Variants in SGPP2 observed in about 807,000 individuals in gnomAD.
SGPP2 encodes sphingosine 1-phosphate phosphohydrolase 2.
Under a neutral mutation model 33.9 loss-of-function variants are expected in SGPP2, and 30 were observed. The observed-to-expected ratio is 0.89, with a 90% CI of 0.66 to 1.20. The LOEUF is 1.20. Ranked by LOEUF, SGPP2 falls within the 50% of genes most tolerant of loss-of-function variation. The pLI is 0.00. For synonymous variants in SGPP2, 233 were observed against 225.0 expected (o/e 1.04, Z -0.32); for missense variants, 458 against 532.1 (o/e 0.86, Z 1.37).
At chr2:222,540,601 C>A (rs59477482) in intron 4 of SGPP2, among the ~76,000 whole-genome samples, 1 of 151,994 alleles carries the variant, frequency 6.6e-6, no homozygotes, top group Non-Finnish European at 1.5e-5. Flanking sequence ...CACCTGGGAA[C>A]GGTGCGCAGT....
chr2:222,471,089 C>G (rs1241585054), intron 1 of SGPP2, among the ~76,000 whole-genome samples: 2 of 152,230 alleles, frequency 1.3e-5, no homozygotes, highest in African/African-American at 4.8e-5. Context: ...TATTGCCATT[C>G]TCTTTCAATT....
chr2:222,483,052 A>G (rs1293417267), intron 2 of SGPP2, among the ~76,000 whole-genome samples: 1 of 152,198 alleles, frequency 6.6e-6, no homozygotes, highest in African/African-American at 2.4e-5. Context: ...GAAAAAGGAA[A>G]AGAAGGAAAG....
intron 2 of SGPP2, among the ~76,000 whole-genome samples, chr2:222,495,031 C>CAAACAAAAACAA (rs145461047): frequency 6.8e-4 from 103 of 151,748 alleles, no homozygotes; most frequent in African/African-American, 2.3e-3. Context: ...GACTCTGTCT[C>CAAACAAAAACAA]AAACAAAAAC....
intron 2 of SGPP2, among the ~76,000 whole-genome samples, chr2:222,521,364 C>T (rs902007005): frequency 1.2e-4 from 18 of 152,094 alleles, no homozygotes; most frequent in African/African-American, 4.3e-4. Flanking sequence ...CCAGTTCTGC[C>T]ACTTGCTGAC....
At chr2:222,436,232 C>G (rs1056390544) in intron 1 of SGPP2, among the ~76,000 whole-genome samples, 95 of 152,272 alleles carry the variant, frequency 6.2e-4, no homozygotes, top group African/African-American at 2.1e-3. Flanking sequence ...CTAGTGGCAG[C>G]GTTCCCCACT....
At chr2:222,524,294 T>C (rs903848984) in intron 3 of SGPP2, among the ~76,000 whole-genome samples, 2 of 152,228 alleles carry the variant, frequency 1.3e-5, no homozygotes, top group African/African-American at 4.8e-5. Flanking sequence ...CCACAGACAC[T>C]AGTGCTTGAA....
At chr2:222,545,320 T>G (rs1689168480) in intron 4 of SGPP2, among the ~76,000 whole-genome samples, 1 of 151,794 alleles carries the variant, frequency 6.6e-6, no homozygotes, top group Non-Finnish European at 1.5e-5. Context: ...TTCACTCTGT[T>G]GCCCAGGCTG....
At chr2:222,500,953 A>G (rs781518266) in intron 2 of SGPP2, among the ~76,000 whole-genome samples, 1 of 152,246 alleles carries the variant, frequency 6.6e-6, no homozygotes, top group Non-Finnish European at 1.5e-5. Flanking sequence ...GGAGACAAAG[A>G]ACTCAGACCT....
At chr2:222,485,325 C>T (rs554000067) in intron 2 of SGPP2, among the ~76,000 whole-genome samples, 1 of 152,340 alleles carries the variant, frequency 6.6e-6, no homozygotes, top group South Asian at 2.1e-4. Flanking sequence ...AGATATTTTC[C>T]TTCCAGTTCT....
chr2:222,542,009 C>A (rs1053095596), intron 4 of SGPP2, among the ~76,000 whole-genome samples: 3 of 152,100 alleles, frequency 2.0e-5, no homozygotes, highest in African/African-American at 7.2e-5. Flanking sequence ...ATAAAGTAAA[C>A]ACGCACCTCA....
At chr2:222,483,012 A>C (rs1698052268) in intron 2 of SGPP2, among the ~76,000 whole-genome samples, 1 of 151,686 alleles carries the variant, frequency 6.6e-6, no homozygotes, top group Admixed American at 6.6e-5. Flanking sequence ...GTTATGTGAC[A>C]CTTAAAACAG....
Position 222,476,893 on chromosome 2 carries a change from T to C in SGPP2, c.378+2167T>C, listed in dbSNP as rs771949757. On this transcript the variant is annotated intron_variant, in intron 2 of 4. Transcript: ENST00000321276. The surrounding 1 kb of genome is among the most constrained non-coding windows in gnomAD (Gnocchi z 4.3). ...ATAGGTGTGTGTATATATGTGTGTT[T>C]ATTGTATGTATATAGATGTGTATAT... Among the ~76,000 whole-genome samples the C allele has an allele frequency of 2.0e-5, 3 of 151,830 alleles. No homozygotes were observed. Among genetic ancestry groups the C allele is most frequent in the African/African-American group, 4.8e-5 (2 of 41,250 alleles).
rs115626857 is a variant in SGPP2 at position 222,477,759 on chromosome 2, C to G, written c.378+3033C>G. Among the ~76,000 whole-genome samples the G allele has an allele frequency of 5.4e-3, 819 of 152,186 alleles. 10 individuals are homozygous for G. Among genetic ancestry groups the G allele is most frequent in the African/African-American group, 0.018 (762 of 41,474 alleles). The stretch of plus-strand genomic sequence containing the variant: ...AACTTTCCCTGAGAGCTGGGAAGAC[C>G]TCTAGACTCTATAGAAGGCTGTGGC... On this transcript the variant is annotated intron_variant, in intron 2 of 4. Coordinates refer to ENST00000321276, the MANE Select transcript of SGPP2 (RefSeq NM_152386.4). The surrounding 1 kb of genome is among the most constrained non-coding windows in gnomAD (Gnocchi z 6.0).
Position 222,477,065 on chromosome 2 carries a change from GTGTT to G in SGPP2, c.378+2341_378+2344del, listed in dbSNP as rs201959625. On this transcript the variant is annotated intron_variant, in intron 2 of 4. Coordinates refer to ENST00000321276, the MANE Select transcript of SGPP2 (RefSeq NM_152386.4). This position sits in a 1 kb window ranked among gnomAD's most constrained non-coding sequence, Gnocchi z 6.0. ...TGTGTGTATAGGTGTGTATATATGTGTGTTTATAGATATGTATATATTTGTGAAT... is the reference window on the plus strand; with the variant it reads ...TGTGTGTATAGGTGTGTATATATGTGTATAGATATGTATATATTTGTGAAT... Among the ~76,000 whole-genome samples, 5 of 151,514 alleles carry G rather than the reference GTGTT, an allele frequency of 3.3e-5. No homozygotes were observed. Among genetic ancestry groups the G allele is most frequent in the African/African-American group, 1.2e-4 (5 of 41,118 alleles).
intron 1 of SGPP2, among the ~76,000 whole-genome samples, chr2:222,446,691 G>A (rs185078383): frequency 6.6e-6 from 1 of 152,038 alleles, no homozygotes; most frequent in East Asian, 1.9e-4. Flanking sequence ...TTCCATTTTT[G>A]GCTAAACAGT....
At chr2:222,523,986 C>T (rs1322538119) in intron 3 of SGPP2, among the ~76,000 whole-genome samples, 1 of 152,284 alleles carries the variant, frequency 6.6e-6, no homozygotes, top group East Asian at 1.9e-4. Context: ...GAAGGCATGG[C>T]CTTCAGTTCT....
intron 4 of SGPP2, among the ~76,000 whole-genome samples, chr2:222,535,332 C>T (rs1381965273): frequency 7.4e-6 from 1 of 135,306 alleles, no homozygotes; most frequent in African/African-American, 2.8e-5. Context: ...GAGCCAAGAT[C>T]ATGCCATTGT....
intron 2 of SGPP2, among the ~76,000 whole-genome samples, chr2:222,496,257 G>A (rs1180094248): frequency 3.3e-5 from 5 of 152,198 alleles, no homozygotes; most frequent in African/African-American, 4.8e-5. Context: ...AACAGTTCCC[G>A]TCCATGAGGT....
In SGPP2 at chr2:222,476,602, T is replaced by C. The variant is rs1337293502; in HGVS notation, c.378+1876T>C. On this transcript the variant is annotated intron_variant, in intron 2 of 4. Coordinates refer to ENST00000321276, the MANE Select transcript of SGPP2 (RefSeq NM_152386.4). The surrounding 1 kb of genome is among the most constrained non-coding windows in gnomAD (Gnocchi z 4.3). ...AGGAGAGAGAGAATGGGAGTGGTCC[T>C]TCTGTTCTTAACATCTGAAAACCCT... is the stretch of plus-strand genomic sequence containing the variant. 6.6e-6 allele frequency among the ~76,000 whole-genome samples: 1 copy of C among 152,114 alleles called. No individual in the cohort carries two copies.
Sources: gnomAD v4.1 joint callset for allele counts (sites outside exome capture counted in the v4.1 genomes callset) on GRCh38, gnomAD v4.1.1 for gene constraint, Gnocchi (gnomAD v3.1) non-coding constraint, MANE v1.5 for transcripts, NCBI Gene and HGNC (gene_info 2026-07-23, HGNC 2026-07-21) for gene names.